The following BATF3 variants were observed in gnomAD, a reference collection of about 807,000 sequenced individuals.
BATF3 encodes the protein basic leucine zipper ATF-like transcription factor 3.
BATF3 carries 8 observed loss-of-function variants against 16.1 expected under a neutral mutation model. The observed-to-expected ratio is 0.50, with a 90% CI of 0.29 to 0.90. The LOEUF (loss-of-function observed/expected upper bound fraction) is 0.90, where lower values mean the gene tolerates loss of function less well. BATF3 is among the 40% of genes least tolerant of loss of function. BATF3 has a pLI of 0.08. For missense variants in BATF3, 139 were observed against 167.0 expected (o/e 0.83, Z 0.92); for synonymous variants, 74 against 72.7 (o/e 1.02, Z -0.09).
intron 2 of BATF3, among the ~76,000 whole-genome samples, chr1:212,692,507 G>A (rs1388007960): frequency 6.6e-6 from 1 of 152,064 alleles, no homozygotes; most frequent in Non-Finnish European, 1.5e-5. Context: ...GCGTGATCTC[G>A]GCTCACTGCA....
intron 2 of BATF3, among the ~76,000 whole-genome samples, chr1:212,690,374 G>T (rs186769418): frequency 6.6e-6 from 1 of 152,282 alleles, no homozygotes; most frequent in Admixed American, 6.5e-5. Context: ...AGAGCCGCCC[G>T]ACAGGTGCCC....
At chr1:212,687,345 T>C (rs1032269686) in intron 2 of BATF3, 4 of 242,732 alleles carry the variant, frequency 1.6e-5, no homozygotes, top group Non-Finnish European at 2.5e-5. Context: ...CGAAGATCTC[T>C]ATTGGGTTCA....
rs757650774 is a variant in BATF3 at position 212,686,944 on chromosome 1, C to T, written c.231G>A (p.Leu77=). Residue 77 remains leucine, a synonymous_variant, in exon 3 of 3, where the codon CTG becomes CTA. Transcript: ENST00000243440. ...YESLEQENTM[L]RREIGKLTEE... is the part of the protein sequence containing the mutation. ...CTGTCAGCTTCCCGATCTCTCTCCG[C>T]AGCATGGTGTTTTCTTGCTCCAGGC... The T allele has an allele frequency of 3.8e-5, 61 of 1,612,902 alleles. 1 individual carries two copies. The South Asian group carries it at 5.2e-4, about 14-fold the overall frequency.
chr1:212,692,405 A>C (rs1107215), intron 2 of BATF3, among the ~76,000 whole-genome samples: 35,908 of 152,028 alleles, frequency 0.24, 4,913 homozygotes, highest in Admixed American at 0.42. Context: ...AAAAAAACCC[A>C]AAAAAACCAG....
At chr1:212,691,082 G>C (rs1473842481) in intron 2 of BATF3, among the ~76,000 whole-genome samples, 2 of 152,300 alleles carry the variant, frequency 1.3e-5, no homozygotes, top group East Asian at 1.9e-4. Context: ...TGTTGAGGCT[G>C]AGAAACCCTG....
Position 212,699,580 on chromosome 1 carries a change from C to A in BATF3, c.90+93G>T. On this transcript the variant is annotated intron_variant, in intron 1 of 2. Coordinates refer to ENST00000243440, the MANE Select transcript of BATF3 (RefSeq NM_018664.3). This position sits in a 1 kb window ranked among gnomAD's most constrained non-coding sequence, Gnocchi z 4.4. The stretch of plus-strand genomic sequence containing the variant: ...CCCGCCACCTCTGCACCTCCGCAGT[C>A]ACCACCACGGAACTCCAGCACCCAC... 9.5e-7 allele frequency: 1 copy of A among 1,053,798 alleles called. No homozygotes were observed. The highest frequency in any genetic ancestry group is 1.2e-6 in the Non-Finnish European group (1 of 824,154). 65.3% of individuals were successfully genotyped at this position (1,053,798 alleles called of 1,614,324 possible).
chr1:212,686,695 A>G lies in BATF3; in HGVS notation c.*96T>C. On this transcript the variant is annotated 3_prime_UTR_variant, in exon 3 of 3. Transcript: ENST00000243440. Reference sequence around the variant, plus strand: ...GGAGCTCCCAGGAGGAGGCCTGGCCACAGGTGCCCCCTGTATACAATTGTG... The same window carrying G: ...GGAGCTCCCAGGAGGAGGCCTGGCCGCAGGTGCCCCCTGTATACAATTGTG... The G allele has an allele frequency of 6.8e-7, 1 of 1,461,176 alleles. No homozygotes were observed. The highest frequency in any genetic ancestry group is 9.0e-7 in the Non-Finnish European group (1 of 1,105,930). The allele number at this position is 1,461,176 out of a possible 1,614,324, so 90.5% of individuals were successfully genotyped here. A position where few individuals can be genotyped will look rare whatever the true frequency, so the allele number is the denominator to read the frequency against.
intron 2 of BATF3, among the ~76,000 whole-genome samples, chr1:212,691,554 C>G (rs1200887716): frequency 6.6e-6 from 1 of 152,246 alleles, no homozygotes; most frequent in Non-Finnish European, 1.5e-5. Context: ...GTGTTACCAG[C>G]AAGGGCTGTA....
Position 212,699,702 on chromosome 1 carries a change from T to C in BATF3, c.61A>G (p.Asn21Asp). The C allele has an allele frequency of 7.4e-7, 1 of 1,348,000 alleles. No homozygotes were observed. The highest frequency in any genetic ancestry group is 9.6e-7 in the Non-Finnish European group (1 of 1,045,446). The allele number at this position is 1,348,000 out of a possible 1,614,324, so 83.5% of individuals were successfully genotyped here. The change falls in exon 1 of 3, where the codon AAC (asparagine) becomes GAC (aspartate). Residue 21 changes from asparagine to aspartate, a missense_variant. Coordinates refer to ENST00000243440, the MANE Select transcript of BATF3 (RefSeq NM_018664.3). This position sits in a 1 kb window ranked among gnomAD's most constrained non-coding sequence, Gnocchi z 4.4. ...TGCTGCGGCTGCGGCTGCGGCTGGT[T>C]CCCGGGCGCCGCGACGCTCCTCTGC... ...VLQRSVAAPG[N>D]QPQPQPQQQS...
chr1:212,699,619 G>A lies in BATF3; in HGVS notation c.90+54C>T. On this transcript the variant is annotated intron_variant, in intron 1 of 2. Transcript: ENST00000243440. The surrounding 1 kb of genome is among the most constrained non-coding windows in gnomAD (Gnocchi z 4.4). Reference sequence around the variant, plus strand: ...TCCAGCACCCACCTCCTCGCCCCCCGCGGCGCGCCGGTCCCCGCACCCCAC... The same window carrying A: ...TCCAGCACCCACCTCCTCGCCCCCCACGGCGCGCCGGTCCCCGCACCCCAC... 4.8e-6 allele frequency: 6 copies of A among 1,240,836 alleles called. No individual in the cohort carries two copies. The highest frequency in any genetic ancestry group is 6.1e-6 in the Non-Finnish European group (6 of 985,798). The allele number at this position is 1,240,836 out of a possible 1,614,324, so 76.9% of individuals were successfully genotyped here. A position where few individuals can be genotyped will look rare whatever the true frequency, so the allele number is the denominator to read the frequency against.
chr1:212,693,075 A>T (rs1358758178), intron 2 of BATF3, among the ~76,000 whole-genome samples: 3 of 152,184 alleles, frequency 2.0e-5, no homozygotes, highest in Non-Finnish European at 4.4e-5. Context: ...GGCCCGCAGT[A>T]GTGTGCAAGG....
At position 212,696,392 on chromosome 1, in the gene BATF3, C is replaced by A. The variant is rs980946272; in HGVS notation, c.195+569G>T. The stretch of plus-strand genomic sequence containing the variant: ...TCCTGGATAGGGCAGTGCCAGGGCA[C>A]TGATGGCTGCAATGGGAGCAGTTTC... On this transcript the variant is annotated intron_variant, in intron 2 of 2. Coordinates refer to ENST00000243440, the MANE Select transcript of BATF3 (RefSeq NM_018664.3). 5.3e-5 allele frequency among the ~76,000 whole-genome samples: 8 copies of A among 151,840 alleles called. No homozygotes were observed. The East Asian group carries it at 1.6e-3, about 29-fold the overall frequency.
intron 2 of BATF3, among the ~76,000 whole-genome samples, chr1:212,694,794 A>G (rs938376054): frequency 1.3e-5 from 2 of 152,168 alleles, no homozygotes; most frequent in African/African-American, 4.8e-5. Context: ...ATTCTTCAGA[A>G]CAAAGGCTAG....
intron 2 of BATF3, among the ~76,000 whole-genome samples, chr1:212,694,287 G>T (rs1384230258): frequency 2.6e-5 from 4 of 152,224 alleles, no homozygotes; most frequent in African/African-American, 7.2e-5. Context: ...AAAGCTGGAA[G>T]ATAGTAAATT....
chr1:212,699,834 C>A lies in BATF3; in HGVS notation c.-72G>T. The A allele has an allele frequency of 2.1e-6, 2 of 970,812 alleles. No homozygotes were observed. The highest frequency in any genetic ancestry group is 2.5e-6 in the Non-Finnish European group (2 of 792,188). The allele number at this position is 970,812 out of a possible 1,614,324, so 60.1% of individuals were successfully genotyped here. A position where few individuals can be genotyped will look rare whatever the true frequency, so the allele number is the denominator to read the frequency against. ...CTGCCCGTGGGGCTGCCTACGGGCG[C>A]TGTCCCGCCGCCGGCATCCTCGTGC... On this transcript the variant is annotated 5_prime_UTR_variant, in exon 1 of 3. Transcript: ENST00000243440. The surrounding 1 kb of genome is among the most constrained non-coding windows in gnomAD (Gnocchi z 4.4).
chr1:212,696,892 T>C, intron 2 of BATF3, 69 bp downstream of exon 2: 1 of 1,147,198 alleles, frequency 8.7e-7, no homozygotes, highest in Non-Finnish European at 1.3e-6. Context: ...AGAACAGTCA[T>C]CACCCCCACT....
intron 1 of BATF3, 175 bp from the exon 2 acceptor site, chr1:212,697,240 A>G (rs529779831): frequency 5.1e-6 from 3 of 584,736 alleles, no homozygotes; most frequent in South Asian, 4.1e-5. Context: ...AGCACTCACC[A>G]TGTGAGTGTG....
At chr1:212,688,701 A>C (rs990023598) in intron 2 of BATF3, among the ~76,000 whole-genome samples, 1 of 152,238 alleles carries the variant, frequency 6.6e-6, no homozygotes, top group Admixed American at 6.5e-5. Flanking sequence ...TCTACAAAAA[A>C]TAGCCAATGG....
intron 2 of BATF3, among the ~76,000 whole-genome samples, chr1:212,693,170 T>A (rs1162150082): frequency 1.3e-5 from 2 of 152,160 alleles, no homozygotes; most frequent in African/African-American, 2.4e-5. Flanking sequence ...AATAGTAGAT[T>A]TAGTCATCCA....
Sources: allele counts gnomAD v4.1 joint callset (sites outside exome capture counted in the v4.1 genomes callset), GRCh38; gene constraint gnomAD v4.1.1; non-coding constraint Gnocchi (gnomAD v3.1); transcripts MANE v1.5; gene names NCBI Gene and HGNC (gene_info 2026-07-23, HGNC 2026-07-21).